TIAM1: variants seen among roughly 807,000 people sequenced by gnomAD.
The protein encoded by TIAM1 is rho guanine nucleotide exchange factor TIAM1.
Under a neutral mutation model 163.5 loss-of-function variants are expected in TIAM1, and 65 were observed. The ratio of observed to expected loss-of-function variants is 0.40; its 90% CI spans 0.33 to 0.49. TIAM1 has a LOEUF of 0.49. Ranked by LOEUF, TIAM1 falls within the 20% of genes least tolerant of loss-of-function variation. The pLI is 0.77. For synonymous variants in TIAM1, 833 were observed against 810.1 expected (o/e 1.03, Z -0.48); for missense variants, 1,789 against 2,044.7 (o/e 0.87, Z 2.41).
chr21:31,252,886 C>A (rs529969710), intron 4 of TIAM1, among the ~76,000 whole-genome samples: 2 of 152,334 alleles, frequency 1.3e-5, no homozygotes, highest in African/African-American at 4.8e-5. Flanking sequence ...TTGAGCTCTC[C>A]AATTACCTTG....
chr21:31,132,288 C>T (rs188802402), intron 23 of TIAM1, among the ~76,000 whole-genome samples: 4 of 152,246 alleles, frequency 2.6e-5, no homozygotes, highest in Middle Eastern at 3.4e-3. Context: ...GGGAAATAAG[C>T]GCTGAGATGC....
At chr21:31,372,786 T>C (rs550202360) in intron 2 of TIAM1, among the ~76,000 whole-genome samples, 1 of 151,884 alleles carries the variant, frequency 6.6e-6, no homozygotes, top group South Asian at 2.1e-4. Flanking sequence ...AGTGGTGCGG[T>C]GGCTCACACC....
chr21:31,379,126 C>T (rs111257521), intron 2 of TIAM1, among the ~76,000 whole-genome samples: 1,539 of 152,294 alleles, frequency 0.01, 22 homozygotes, highest in African/African-American at 0.035. Flanking sequence ...CACCCGCCAC[C>T]ACACCCGGCT....
chr21:31,230,593 C>G (rs1199214516), intron 6 of TIAM1, among the ~76,000 whole-genome samples: 1 of 152,154 alleles, frequency 6.6e-6, no homozygotes, highest in East Asian at 1.9e-4. Flanking sequence ...GGCATGATCT[C>G]AGCTCACTGC....
At chr21:31,225,656 CAAAA>C in intron 7 of TIAM1, 66 bp downstream of exon 7, 10 of 1,082,234 alleles carry the variant, frequency 9.2e-6, no homozygotes, top group South Asian at 1.4e-5. Flanking sequence ...TCCAAAACAG[CAAAA>C]AAAAAAAAAA....
chr21:31,542,843 C>T (rs1027335902), intron 1 of TIAM1, among the ~76,000 whole-genome samples: 2 of 151,948 alleles, frequency 1.3e-5, no homozygotes, highest in African/African-American at 4.8e-5. Context: ...TGGTGCGCAC[C>T]TGTAGTCCCA....
In TIAM1 at chr21:31,395,397, G is replaced by A. The variant is rs948263380; in HGVS notation, c.-368-55975C>T. Among the ~76,000 whole-genome samples, 7 of 152,164 alleles carry A rather than the reference G, an allele frequency of 4.6e-5. No individual in the cohort carries two copies. Among genetic ancestry groups the A allele is most frequent in the Non-Finnish European group, 8.8e-5 (6 of 68,024 alleles). ...AGAGAAGCAGTCCACTGGGGACACG[G>A]TGCCGCTGCAGCCATGTGACAATAA... On this transcript the variant is annotated intron_variant, in intron 2 of 28. Coordinates refer to the TIAM1 transcript ENST00000286827. This position sits in a 1 kb window ranked among gnomAD's most constrained non-coding sequence, Gnocchi z 7.5.
At chr21:31,339,564 G>A (rs951293457) in intron 1 of TIAM1, 142 bp from the exon 2 acceptor site, 9 of 394,804 alleles carry the variant, frequency 2.3e-5, no homozygotes, top group African/African-American at 1.6e-4. Flanking sequence ...ATACATTAGA[G>A]TATGGATATT....
At chr21:31,245,952 C>T (rs1192730722) in intron 5 of TIAM1, among the ~76,000 whole-genome samples, 4 of 152,202 alleles carry the variant, frequency 2.6e-5, no homozygotes, top group African/African-American at 4.8e-5. Context: ...GGTCTCCTCA[C>T]AGACATAGGG....
chr21:31,417,707 A>C (rs1046932652), intron 2 of TIAM1, among the ~76,000 whole-genome samples: 1 of 152,206 alleles, frequency 6.6e-6, no homozygotes, highest in African/African-American at 2.4e-5. Flanking sequence ...GTACACCTGC[A>C]GGTCAATTCC....
chr21:31,473,444 A>C (rs1269969380), intron 1 of TIAM1, among the ~76,000 whole-genome samples: 2 of 83,692 alleles, frequency 2.4e-5, no homozygotes, highest in African/African-American at 9.6e-5. Context: ...AAAAAAAAAA[A>C]AAAAAAAAAA....
At position 31,381,220 on chromosome 21, in the gene TIAM1, C is replaced by A. The variant is rs765899770; in HGVS notation, c.-368-41798G>T. On this transcript the variant is annotated intron_variant, in intron 2 of 28. Transcript: ENST00000286827. ...CCCGCAAAATCCGTATGTTGAAATT[C>A]TAATCCCTAAGGTGATGGTATTTGG... Among the ~76,000 whole-genome samples, 22 of 152,262 alleles carry A rather than the reference C, an allele frequency of 1.4e-4. No individual in the cohort carries two copies. In the East Asian group the frequency reaches 1.7e-3, roughly 12 times the overall value.
At chr21:31,506,899 AGAGG>A (rs1451262668) in intron 1 of TIAM1, among the ~76,000 whole-genome samples, 1 of 152,236 alleles carries the variant, frequency 6.6e-6, no homozygotes, top group Non-Finnish European at 1.5e-5. Flanking sequence ...CCTGGGCGAC[AGAGG>A]GAGACCCTGT....
chr21:31,467,637 G>GAATAAATAAATAAAAATAAAATA (rs2045580131), intron 1 of TIAM1, among the ~76,000 whole-genome samples: 1 of 149,536 alleles, frequency 6.7e-6, no homozygotes, highest in Non-Finnish European at 1.5e-5. Context: ...AAAAAAAAAA[G>GAATAAATAAATAAAAATAAAATA]AATAAATAAA....
chr21:31,228,219 TTAAAAAAAAAAAAAAAAAAAA>T (rs2088120538), intron 6 of TIAM1, among the ~76,000 whole-genome samples: 1 of 17,628 alleles, frequency 5.7e-5, no homozygotes, highest in Non-Finnish European at 1.0e-4. Context: ...CCTCCTTTTT[TTAAAAAAAAAAAAAAAAAAAA>T]AAAAAAAAAA....
intron 16 of TIAM1, chr21:31,160,873 C>T (rs1466615509): frequency 1.1e-5 from 2 of 189,212 alleles, no homozygotes; most frequent in Admixed American, 6.1e-5. Context: ...GGCAAGAAAA[C>T]AAAGCACAAA....
At chr21:31,558,665 G>A (rs2048979410) in intron 1 of TIAM1, among the ~76,000 whole-genome samples, 1 of 152,150 alleles carries the variant, frequency 6.6e-6, no homozygotes, top group Non-Finnish European at 1.5e-5. Flanking sequence ...GGGCTGCACG[G>A]TCTCGTCTCC....
At chr21:31,267,025 T>C (rs2072816594) in intron 3 of TIAM1, 42 bp from the exon 4 acceptor site, 2 of 1,549,698 alleles carry the variant, frequency 1.3e-6, no homozygotes, top group South Asian at 2.5e-5. Context: ...GAGTCACTAT[T>C]AGTACAGGTA....
intron 26 of TIAM1, among the ~76,000 whole-genome samples, chr21:31,126,781 AAAC>A (rs1303551044): frequency 6.6e-6 from 1 of 152,086 alleles, no homozygotes; most frequent in Non-Finnish European, 1.5e-5. Flanking sequence ...GGTAGAAGAA[AAAC>A]AACAAGAAAT....
Sources: gnomAD v4.1 joint callset for allele counts (sites outside exome capture counted in the v4.1 genomes callset) on GRCh38, gnomAD v4.1.1 for gene constraint, Gnocchi (gnomAD v3.1) non-coding constraint, MANE v1.5 for transcripts, NCBI Gene and HGNC (gene_info 2026-07-23, HGNC 2026-07-21) for gene names.